Variants in STAG2 observed in about 807,000 individuals in gnomAD.
STAG2 encodes the protein STAG2 cohesin complex component, also known as cohesin subunit SA-2.
A neutral mutation model predicts 108.1 loss-of-function variants in STAG2; 14 were observed. The ratio of observed to expected loss-of-function variants is 0.13; its 90% CI spans 0.09 to 0.20. The LOEUF (loss-of-function observed/expected upper bound fraction) is 0.20. STAG2 is among the 10% of genes least tolerant of loss of function. STAG2 has a pLI of 1.00. For synonymous variants in STAG2, 307 were observed against 302.7 expected, an observed-to-expected ratio of 1.01 and a Z score of -0.15; for missense variants, 440 against 940.9, an observed-to-expected ratio of 0.47 and a Z score of 6.96.
At chrX:123,971,057 AC>A (rs1348727498) in intron 1 of STAG2, among the ~76,000 whole-genome samples, 7 of 111,671 alleles carry the variant, frequency 6.3e-5, no homozygotes, top group Non-Finnish European at 9.4e-5. Flanking sequence ...CCTAATTAAT[AC>A]CTTCTTTTTC....
intron 1 of STAG2, among the ~76,000 whole-genome samples, chrX:123,972,276 A>AT (rs531396580): frequency 1.2e-3 from 110 of 91,838 alleles, no homozygotes; most frequent in Non-Finnish European, 1.0e-3. Context: ...TGTAACTATC[A>AT]TTTTTTTTTT....
At position 124,045,905 on chromosome X, in the gene STAG2, A is replaced by G. The variant is rs2057861531; in HGVS notation, c.667+537A>G. 2.7e-5 allele frequency among the ~76,000 whole-genome samples: 3 copies of G among 110,910 alleles called. No homozygotes were observed. In the South Asian group the frequency reaches 1.1e-3, roughly 42 times the overall value. On this transcript the variant is annotated intron_variant, in intron 8 of 34. Coordinates refer to ENST00000371145, the MANE Select transcript of STAG2 (RefSeq NM_001042750.2). ...CTCCAGGTAGGATGGCCCCTACTAG[A>G]TGATGCCTGTTCTTTCAGTCACACT... is the stretch of plus-strand genomic sequence containing the variant.
At chrX:124,096,489 CCTT>C (rs111347790) in intron 34 of STAG2, among the ~76,000 whole-genome samples, 15 of 110,802 alleles carry the variant, frequency 1.4e-4, no homozygotes, top group Admixed American at 5.8e-4. Context: ...TTTTTTCTCT[CCTT>C]CTTTAACTGT....
intron 8 of STAG2, 69 bp downstream of exon 8, chrX:124,045,437 G>C (rs995887556): frequency 2.1e-5 from 20 of 947,753 alleles, no homozygotes; most frequent in Non-Finnish European, 2.8e-5. Flanking sequence ...CATTTAAAGA[G>C]AAAGGAAATA....
chrX:123,996,942 T>C (rs2147803944), intron 1 of STAG2, among the ~76,000 whole-genome samples: 1 of 112,577 alleles, frequency 8.9e-6, no homozygotes, highest in South Asian at 3.6e-4. Context: ...ATGGAAAGAA[T>C]TAACTTTTTT....
intron 25 of STAG2, 143 bp from the exon 26 acceptor site, chrX:124,076,189 A>C (rs2058798473): frequency 6.9e-6 from 4 of 576,616 alleles, no homozygotes; most frequent in African/African-American, 2.4e-5. Flanking sequence ...TATTGGAATA[A>C]ATTATGAATG....
intron 1 of STAG2, among the ~76,000 whole-genome samples, chrX:124,005,206 G>T (rs777983301): frequency 9.0e-6 from 1 of 111,041 alleles, no homozygotes; most frequent in South Asian, 3.8e-4. Flanking sequence ...TTCTATCTGT[G>T]GTTGGTTGAA....
chrX:124,058,803 A>T (rs971825429), intron 15 of STAG2, among the ~76,000 whole-genome samples: 1 of 111,993 alleles, frequency 8.9e-6, no homozygotes, highest in African/African-American at 3.2e-5. Context: ...CTCAAAATTT[A>T]TTTTTGGTGT....
chrX:124,020,830 C>T (rs939871595), intron 1 of STAG2, among the ~76,000 whole-genome samples: 3 of 112,308 alleles, frequency 2.7e-5, no homozygotes, highest in Non-Finnish European at 5.6e-5. Context: ...CACCAACACA[C>T]GAGGCTAATT....
chrX:124,029,056 G>T (rs1476339024), intron 4 of STAG2, among the ~76,000 whole-genome samples: 14 of 99,737 alleles, frequency 1.4e-4, no homozygotes, highest in African/African-American at 5.3e-4. Context: ...TTGCTCTGTC[G>T]CCCAGGCTGG....
intron 1 of STAG2, among the ~76,000 whole-genome samples, chrX:124,016,293 C>T (rs1267429208): frequency 9.0e-6 from 1 of 111,212 alleles, no homozygotes; most frequent in Non-Finnish European, 1.9e-5. Flanking sequence ...GCACGCGCCA[C>T]CATGCCCAGC....
At chrX:124,087,300 C>A (rs188456228) in intron 30 of STAG2, among the ~76,000 whole-genome samples, 17 of 112,113 alleles carry the variant, frequency 1.5e-4, no homozygotes, top group Non-Finnish European at 9.4e-5. Context: ...AGACTCCTAG[C>A]ACTCCAGAGT....
chrX:123,963,616 T>TG (rs2053969811), intron 1 of STAG2, among the ~76,000 whole-genome samples: 1 of 73,552 alleles, frequency 1.4e-5, no homozygotes, highest in Non-Finnish European at 2.6e-5. Flanking sequence ...AAATAGTCGA[T>TG]TTTTTTTTTT....
Position 124,071,315 on chromosome X carries a change from A to G in STAG2, c.2525A>G (p.Asn842Ser), listed in dbSNP as rs1156815498. The G allele has an allele frequency of 8.5e-7, 1 of 1,170,419 alleles. No homozygotes were observed. Among genetic ancestry groups the G allele is most frequent in the Admixed American group, 2.6e-5 (1 of 37,904 alleles). ...HVFIEQDDDN[N>S]SADGQQEDEA... ...TTCATTGAACAGGATGATGATAATA[A>G]TAGTGCAGGTAATTTTATTGCCATC... The change falls in exon 25 of 35, where the codon AAT (asparagine) becomes AGT (serine). Residue 842 changes from asparagine (N) to serine (S), a missense_variant. Asn to Ser is a conservative substitution (Grantham distance 46). This residue lies in a region of STAG2 where 337 missense variants were observed against 649.3 expected (regional missense o/e 0.52). Transcript: ENST00000371145.
intron 34 of STAG2, among the ~76,000 whole-genome samples, chrX:124,095,842 G>A (rs960209514): frequency 1.8e-5 from 2 of 110,238 alleles, no homozygotes; most frequent in Non-Finnish European, 3.8e-5. Context: ...TAAAGGCATG[G>A]TGAAAAATAA....
chrX:123,965,281 T>C (rs1431428302), intron 1 of STAG2, among the ~76,000 whole-genome samples: 1 of 112,278 alleles, frequency 8.9e-6, no homozygotes, highest in Non-Finnish European at 1.9e-5. Context: ...TTTATTTTAT[T>C]GTGGTGAGGC....
chrX:124,047,617 A>G, intron 9 of STAG2, 112 bp downstream of exon 9: 2 of 644,931 alleles, frequency 3.1e-6, no homozygotes, highest in Non-Finnish European at 4.7e-6. Flanking sequence ...ATTTAAATGT[A>G]AATAACATTT....
intron 1 of STAG2, among the ~76,000 whole-genome samples, chrX:123,999,714 A>C (rs942266733): frequency 3.6e-5 from 4 of 111,034 alleles, no homozygotes; most frequent in Non-Finnish European, 7.6e-5. Flanking sequence ...TCCTGGGCCA[A>C]AGTGATCCTC....
Position 123,994,002 on chromosome X carries a change from T to C in STAG2, c.-162-27365T>C, listed in dbSNP as rs373106432. Among the ~76,000 whole-genome samples the C allele has an allele frequency of 4.5e-5, 5 of 111,779 alleles. No individual in the cohort carries two copies. In the East Asian group the frequency reaches 1.1e-3, roughly 25 times the overall value. Reference sequence around the variant, plus strand: ...CTGTCTTAGTCCATTTGTGTTTTGCTGTAACAGAACACCCGAGGCTGGGTA... The same window carrying C: ...CTGTCTTAGTCCATTTGTGTTTTGCCGTAACAGAACACCCGAGGCTGGGTA... On this transcript the variant is annotated intron_variant, in intron 1 of 34. Coordinates refer to ENST00000371145, the MANE Select transcript of STAG2 (RefSeq NM_001042750.2).
Sources: gnomAD v4.1 joint callset for allele counts (sites outside exome capture counted in the v4.1 genomes callset) on GRCh38, gnomAD v4.1.1 for gene constraint, gnomAD v4.1.1 regional missense constraint, MANE v1.5 for transcripts, NCBI Gene and HGNC (gene_info 2026-07-23, HGNC 2026-07-21) for gene names.